The following NTRK2 variants were observed in gnomAD, a reference collection of about 807,000 sequenced individuals.
The protein encoded by NTRK2 is neurotrophic receptor tyrosine kinase 2, also known as BDNF/NT-3 growth factors receptor.
A neutral mutation model predicts 94.5 loss-of-function variants in NTRK2; 13 were observed. The observed-to-expected ratio is 0.14, with a 90% CI of 0.09 to 0.22. The LOEUF (loss-of-function observed/expected upper bound fraction) is 0.22, where lower values mean the gene tolerates loss of function less well. NTRK2 is among the 10% of genes least tolerant of loss of function. The pLI is 1.00. For missense variants in NTRK2, 639 were observed against 1,071.2 expected (o/e 0.60, Z 5.63); for synonymous variants, 372 against 407.4 (o/e 0.91, Z 1.05).
At chr9:84,779,109 C>T (rs2067321147) in intron 12 of NTRK2, among the ~76,000 whole-genome samples, 1 of 152,116 alleles carries the variant, frequency 6.6e-6, no homozygotes, top group Non-Finnish European at 1.5e-5. Flanking sequence ...TTATAAAATG[C>T]TTATCTTGCC....
At chr9:84,787,428 G>A (rs1292580579) in intron 12 of NTRK2, among the ~76,000 whole-genome samples, 1 of 152,156 alleles carries the variant, frequency 6.6e-6, no homozygotes, top group Admixed American at 6.5e-5. Context: ...GGGGACATGG[G>A]TTCTAGACTG....
At chr9:84,780,196 C>G (rs12555182) in intron 12 of NTRK2, among the ~76,000 whole-genome samples, 6,593 of 152,184 alleles carry the variant, frequency 0.043, 184 homozygotes, top group Admixed American at 0.06. Flanking sequence ...CTATGAACCC[C>G]AGGCTCAATC....
At chr9:84,931,731 CA>C (rs1006267474) in intron 14 of NTRK2, among the ~76,000 whole-genome samples, 1 of 128,808 alleles carries the variant, frequency 7.8e-6, no homozygotes, top group Non-Finnish European at 1.7e-5. Context: ...AAAAAAAAAA[CA>C]AAAAAAACCA....
At chr9:84,898,922 G>A (rs1000664432) in intron 14 of NTRK2, among the ~76,000 whole-genome samples, 1 of 152,032 alleles carries the variant, frequency 6.6e-6, no homozygotes, top group Non-Finnish European at 1.5e-5. Context: ...GGCTGGTCTC[G>A]AACTCCTGAC....
chr9:84,955,714 T>C (rs1824031709), intron 17 of NTRK2, 197 bp downstream of exon 17: 1 of 666,844 alleles, frequency 1.5e-6, no homozygotes, highest in Non-Finnish European at 2.7e-6. Context: ...GAGGCCTCGC[T>C]CCTTGGCTTG....
chr9:84,776,260 C>T (rs112867395), intron 12 of NTRK2, among the ~76,000 whole-genome samples: 6,607 of 152,104 alleles, frequency 0.043, 221 homozygotes, highest in Non-Finnish European at 0.067. Context: ...CTCACTCTGT[C>T]GCCCAGGCTG....
intron 16 of NTRK2, among the ~76,000 whole-genome samples, chr9:84,950,715 A>T (rs2078751876): frequency 6.6e-6 from 1 of 152,192 alleles, no homozygotes; most frequent in African/African-American, 2.4e-5. Context: ...CTTGCTGGGC[A>T]CAGTTTCCTT....
At chr9:84,743,122 A>G (rs2063790261) in intron 10 of NTRK2, among the ~76,000 whole-genome samples, 1 of 152,104 alleles carries the variant, frequency 6.6e-6, no homozygotes. Flanking sequence ...TTGATGGAAT[A>G]TCGCATCTCT....
intron 10 of NTRK2, among the ~76,000 whole-genome samples, chr9:84,744,254 G>T (rs2063873957): frequency 6.6e-6 from 1 of 152,120 alleles, no homozygotes; most frequent in Non-Finnish European, 1.5e-5. Flanking sequence ...GATCCAGAAG[G>T]CAGCAACTGC....
chr9:84,907,606 A>G (rs2077110332), intron 14 of NTRK2, among the ~76,000 whole-genome samples: 1 of 152,062 alleles, frequency 6.6e-6, no homozygotes, highest in African/African-American at 2.4e-5. Context: ...ATTTTACACT[A>G]GCAACAAATA....
At chr9:84,815,162 C>T (rs1210253688) in intron 12 of NTRK2, 2 of 1,057,288 alleles carry the variant, frequency 1.9e-6, no homozygotes, top group African/African-American at 1.7e-5. Flanking sequence ...AAAGAACGTC[C>T]CAGCCACCTG....
chr9:84,882,411 C>T (rs372058223), intron 14 of NTRK2, among the ~76,000 whole-genome samples: 6 of 152,302 alleles, frequency 3.9e-5, no homozygotes, highest in African/African-American at 1.4e-4. Context: ...GCCAGAGTCT[C>T]AAGTCCTTCA....
chr9:84,829,774 T>C (rs1384140720), intron 12 of NTRK2, among the ~76,000 whole-genome samples: 1 of 152,184 alleles, frequency 6.6e-6, no homozygotes, highest in Non-Finnish European at 1.5e-5. Flanking sequence ...TTGTTCTTGA[T>C]GGATGGGGTC....
At chr9:84,825,558 C>T (rs1326134885) in intron 12 of NTRK2, among the ~76,000 whole-genome samples, 2 of 152,168 alleles carry the variant, frequency 1.3e-5, no homozygotes, top group African/African-American at 2.4e-5. Context: ...CTCATTAAAA[C>T]AAGGGTGGGG....
chr9:84,813,085 G>A (rs199780929), intron 12 of NTRK2: 90 of 1,039,258 alleles, frequency 8.7e-5, no homozygotes, highest in Non-Finnish European at 1.0e-4. Context: ...CCTAATGCAT[G>A]TGTTGCATTA....
intron 12 of NTRK2, among the ~76,000 whole-genome samples, chr9:84,755,512 C>CA (rs1273807079): frequency 8.2e-6 from 1 of 121,660 alleles, no homozygotes; most frequent in East Asian, 2.6e-4. Flanking sequence ...CTAAAAGAGA[C>CA]AAAGTCCCAC....
chr9:84,987,840 GTAAC>G (rs1828519201), intron 17 of NTRK2, among the ~76,000 whole-genome samples: 1 of 152,134 alleles, frequency 6.6e-6, no homozygotes, highest in African/African-American at 2.4e-5. Context: ...TGCCCTACAT[GTAAC>G]TAATGATGTT....
At chr9:84,963,144 T>C (rs1230900750) in intron 17 of NTRK2, among the ~76,000 whole-genome samples, 1 of 152,358 alleles carries the variant, frequency 6.6e-6, no homozygotes, top group Admixed American at 6.5e-5. Flanking sequence ...ACAGAGCAGA[T>C]TGTTTTTTCC....
At chr9:84,797,732 A>G (rs181702108) in intron 12 of NTRK2, among the ~76,000 whole-genome samples, 945 of 79,090 alleles carry the variant, frequency 0.012, 65 homozygotes, top group African/African-American at 0.051. Flanking sequence ...ATTATATATT[A>G]TATATACTAT....
Sources: allele counts gnomAD v4.1 joint callset (sites outside exome capture counted in the v4.1 genomes callset), GRCh38; gene constraint gnomAD v4.1.1; transcripts MANE v1.5; gene names NCBI Gene and HGNC (gene_info 2026-07-23, HGNC 2026-07-21).